The following PSPC1 variants were observed in gnomAD, a reference collection of about 807,000 sequenced individuals.
The protein encoded by PSPC1 is paraspeckle component 1, also known as paraspeckle protein 1.
PSPC1 carries 14 observed loss-of-function variants against 51.6 expected under a neutral mutation model. That is an observed-to-expected ratio of 0.27 (90% CI 0.18 to 0.42). The LOEUF is 0.42. Among genes scored for constraint, PSPC1 ranks in the 10% least tolerant of loss-of-function variants. The pLI is 1.00. For missense variants in PSPC1, 406 were observed against 701.1 expected (o/e 0.58, Z 4.75); for synonymous variants, 193 against 231.9 (o/e 0.83, Z 1.53).
chr13:19,746,251 A>C (rs927085131), intron 4 of PSPC1, among the ~76,000 whole-genome samples: 6 of 151,742 alleles, frequency 4.0e-5, no homozygotes, highest in Non-Finnish European at 1.5e-5. Flanking sequence ...CTAATACAAA[A>C]ATTAGCCGAC....
intron 7 of PSPC1, among the ~76,000 whole-genome samples, chr13:19,677,009 T>C (rs188892295): frequency 4.7e-4 from 72 of 151,948 alleles, no homozygotes; most frequent in African/African-American, 9.9e-4. Context: ...CCGAGGCGGG[T>C]GGATCACAAA....
intron 6 of PSPC1, among the ~76,000 whole-genome samples, chr13:19,689,202 C>T (rs1306261685): frequency 1.3e-5 from 2 of 152,198 alleles, no homozygotes; most frequent in African/African-American, 4.8e-5. Context: ...CTGCTCTAGA[C>T]AGCAGCCAGT....
chr13:19,689,372 A>G (rs532260801), intron 6 of PSPC1, among the ~76,000 whole-genome samples: 1 of 152,224 alleles, frequency 6.6e-6, no homozygotes, highest in South Asian at 2.1e-4. Context: ...AACCAAATAC[A>G]TATTTCATAC....
chr13:19,713,791 G>A (rs894038313), intron 6 of PSPC1, among the ~76,000 whole-genome samples: 1 of 152,100 alleles, frequency 6.6e-6, no homozygotes, highest in African/African-American at 2.4e-5. Flanking sequence ...GGTTCTTAAC[G>A]TGTAGGTCAT....
intron 6 of PSPC1, among the ~76,000 whole-genome samples, chr13:19,697,401 A>C (rs182342501): frequency 5.9e-5 from 9 of 152,308 alleles, no homozygotes; most frequent in Admixed American, 5.2e-4. Context: ...TTGTATCTTA[A>C]GCCCTAGAAA....
At chr13:19,692,578 C>T (rs1195180316) in intron 6 of PSPC1, among the ~76,000 whole-genome samples, 1 of 151,932 alleles carries the variant, frequency 6.6e-6, no homozygotes, top group Non-Finnish European at 1.5e-5. Context: ...TTTAAAAATC[C>T]CAACCAACCA....
intron 7 of PSPC1, among the ~76,000 whole-genome samples, chr13:19,677,182 A>G (rs373734024): frequency 0.026 from 3,915 of 150,676 alleles, 77 homozygotes; most frequent in South Asian, 0.068. Context: ...GCAGTGAGCC[A>G]AGATCGTGCC....
chr13:19,676,309 C>A (rs1876626742), intron 7 of PSPC1, among the ~76,000 whole-genome samples: 1 of 152,150 alleles, frequency 6.6e-6, no homozygotes, highest in Non-Finnish European at 1.5e-5. Flanking sequence ...CTCAAAATTT[C>A]TGTTGCATAG....
intron 4 of PSPC1, among the ~76,000 whole-genome samples, chr13:19,745,490 C>T (rs1251353032): frequency 3.3e-5 from 5 of 152,092 alleles, no homozygotes; most frequent in Admixed American, 2.6e-4. Flanking sequence ...TTTAAAATTG[C>T]ACAAGTCATG....
chr13:19,730,839 C>G (rs185364884), intron 5 of PSPC1, among the ~76,000 whole-genome samples: 71 of 151,086 alleles, frequency 4.7e-4, no homozygotes, highest in African/African-American at 1.6e-3. Flanking sequence ...CCCAGCTACT[C>G]GAGAGGCTGA....
intron 1 of PSPC1, among the ~76,000 whole-genome samples, chr13:19,779,088 C>G (rs1889564918): frequency 1.7e-5 from 2 of 114,394 alleles, no homozygotes; most frequent in African/African-American, 6.5e-5. Context: ...TGAGGAGCGT[C>G]TCTGCCCGGC....
intron 2 of PSPC1, among the ~76,000 whole-genome samples, chr13:19,767,856 G>C (rs898147465): frequency 2.6e-5 from 4 of 151,912 alleles, no homozygotes; most frequent in Non-Finnish European, 5.9e-5. Flanking sequence ...AACCATACAA[G>C]AAAAAAATTG....
chr13:19,770,333 AGT>A (rs1888507718), intron 2 of PSPC1, among the ~76,000 whole-genome samples: 1 of 152,212 alleles, frequency 6.6e-6, no homozygotes, highest in African/African-American at 2.4e-5. Flanking sequence ...TTATTATGGC[AGT>A]GTGTTACATG....
At chr13:19,728,540 G>T (rs965612000) in intron 6 of PSPC1, among the ~76,000 whole-genome samples, 4 of 150,756 alleles carry the variant, frequency 2.7e-5, no homozygotes, top group Non-Finnish European at 5.9e-5. Context: ...AGTAAATGAA[G>T]AACAACTGCC....
downstream of PSPC1, among the ~76,000 whole-genome samples, chr13:19,701,320 T>C (rs1244991700): frequency 1.3e-5 from 2 of 151,114 alleles, no homozygotes; most frequent in Non-Finnish European, 2.9e-5. Flanking sequence ...GAATAAAATA[T>C]AGATGACGGG....
chr13:19,741,684 T>G (rs762388892), intron 4 of PSPC1, 35 bp from the exon 5 acceptor site: 2 of 1,367,058 alleles, frequency 1.5e-6, no homozygotes, highest in Admixed American at 4.2e-5. Context: ...ATATTTTTAG[T>G]TTCCCTTTCC....
At chr13:19,743,710 A>G (rs1483691707) in intron 4 of PSPC1, among the ~76,000 whole-genome samples, 7 of 152,232 alleles carry the variant, frequency 4.6e-5, no homozygotes, top group Non-Finnish European at 1.0e-4. Context: ...TAATAGGCCC[A>G]TAGAGAAAAC....
intron 6 of PSPC1, among the ~76,000 whole-genome samples, chr13:19,711,364 C>T (rs1593590433): frequency 6.6e-6 from 1 of 151,888 alleles, no homozygotes; most frequent in Admixed American, 6.6e-5. Context: ...AGGTTGGGCG[C>T]GGTGGCTCAC....
intron 7 of PSPC1, among the ~76,000 whole-genome samples, chr13:19,676,598 A>G (rs1205372787): frequency 6.6e-6 from 1 of 152,178 alleles, no homozygotes; most frequent in Non-Finnish European, 1.5e-5. Flanking sequence ...CACAGTTAAA[A>G]CGGACTTTTT....
Sources: allele counts gnomAD v4.1 joint callset (sites outside exome capture counted in the v4.1 genomes callset), GRCh38; gene constraint gnomAD v4.1.1; transcripts MANE v1.5; gene names NCBI Gene and HGNC (gene_info 2026-07-23, HGNC 2026-07-21).